ITK: variants seen among roughly 807,000 people sequenced by gnomAD.
ITK encodes IL2 inducible T cell kinase, also known as tyrosine-protein kinase ITK/TSK.
A neutral mutation model predicts 87.6 loss-of-function variants in ITK; 45 were observed. The observed-to-expected ratio is 0.51, with a 90% CI of 0.40 to 0.66. The LOEUF (loss-of-function observed/expected upper bound fraction) is 0.66, where lower values mean the gene tolerates loss of function less well. ITK is among the 30% of genes least tolerant of loss of function. The probability of loss-of-function intolerance (pLI) is 0.00; values close to 1 mark genes in which losing one functional copy is unlikely to be tolerated. For synonymous variants in ITK, 303 were observed against 273.6 expected (o/e 1.11, Z -1.06); for missense variants, 605 against 766.3 (o/e 0.79, Z 2.48).
chr5:157,233,958 TATATA>T (rs1445115347), intron 8 of ITK, among the ~76,000 whole-genome samples: 1 of 32,190 alleles, frequency 3.1e-5, no homozygotes. Context: ...TATATATATA[TATATA>T]TTTTTTTTTT....
At chr5:157,236,204 T>C (rs1434197708) in intron 8 of ITK, among the ~76,000 whole-genome samples, 1 of 152,066 alleles carries the variant, frequency 6.6e-6, no homozygotes, top group Non-Finnish European at 1.5e-5. Flanking sequence ...TGAAACCTCA[T>C]CTCTACTAAA....
intron 8 of ITK, among the ~76,000 whole-genome samples, chr5:157,234,407 C>G (rs1275468866): frequency 1.3e-5 from 2 of 152,282 alleles, no homozygotes; most frequent in Admixed American, 1.3e-4. Flanking sequence ...ATGACATTTT[C>G]TTGCTATTTT....
chr5:157,244,448 G>T lies in ITK; in HGVS notation c.1419G>T (p.Leu473=). 6.2e-7 allele frequency: 1 copy of T among 1,612,974 alleles called. No homozygotes were observed. Among genetic ancestry groups the T allele is most frequent in the Non-Finnish European group, 8.5e-7 (1 of 1,178,926 alleles). The part of the protein sequence containing the change: ...CLDVCEGMAY[L]EEACVIHRDL... ...ATGTGTGTGAGGGCATGGCCTACCT[G>T]GAAGAGGCATGTGTCATCCACAGAG... is the stretch of plus-strand genomic sequence containing the variant. The change falls in exon 13 of 17, where the codon CTG becomes CTT. Residue 473 remains leucine, a synonymous_variant. Transcript: ENST00000422843.
intron 1 of ITK, among the ~76,000 whole-genome samples, chr5:157,201,434 A>T (rs964093354): frequency 3.3e-5 from 5 of 151,034 alleles, no homozygotes; most frequent in African/African-American, 4.9e-5. Context: ...AGCAGCTGGG[A>T]TTACAGATGC....
Position 157,238,316 on chromosome 5 carries a change from C to T in ITK, c.851+125C>T. ...GGCTCACTAGAAATGGTCTGTTTTC[C>T]CTCTTTACTCCGAGAAAACCAAAGC... On this transcript the variant is annotated intron_variant, in intron 9 of 16. Coordinates refer to ENST00000422843, the MANE Select transcript of ITK (RefSeq NM_005546.4). The T allele has an allele frequency of 4.0e-6, 3 of 757,934 alleles. No homozygotes were observed. In the South Asian group the frequency reaches 4.4e-5, roughly 11 times the overall value. 47.0% of individuals were successfully genotyped at this position (757,934 alleles called of 1,614,324 possible).
In ITK at chr5:157,180,976, T is replaced by A. The variant is rs1181120757; in HGVS notation, c.-2T>A. ...GGTGCACCACCTTTCAAGAACTGGA[T>A]CATGAACAACTTTATCCTCCTGGAA... On this transcript the variant is annotated 5_prime_UTR_variant, in exon 1 of 17. Coordinates refer to ENST00000422843, the MANE Select transcript of ITK (RefSeq NM_005546.4). The A allele has an allele frequency of 6.2e-7, 1 of 1,613,846 alleles. No homozygotes were observed. Among genetic ancestry groups the A allele is most frequent in the Admixed American group, 1.7e-5 (1 of 60,014 alleles).
chr5:157,207,053 A>G (rs187011121), intron 1 of ITK, among the ~76,000 whole-genome samples: 82 of 152,306 alleles, frequency 5.4e-4, no homozygotes, highest in Admixed American at 4.6e-3. Flanking sequence ...ACTAATATGC[A>G]ATATATTTCA....
At chr5:157,219,629 C>A (rs1448370820) in intron 5 of ITK, among the ~76,000 whole-genome samples, 1 of 152,190 alleles carries the variant, frequency 6.6e-6, no homozygotes, top group African/African-American at 2.4e-5. Context: ...TCAGCCTACT[C>A]CCTCACAACA....
chr5:157,203,091 G>C (rs1233965352), intron 1 of ITK, among the ~76,000 whole-genome samples: 1 of 152,186 alleles, frequency 6.6e-6, no homozygotes, highest in African/African-American at 2.4e-5. Flanking sequence ...TCTCTTCTTA[G>C]ATGCCCTTTC....
chr5:157,193,081 G>T (rs1015983236), intron 1 of ITK, among the ~76,000 whole-genome samples: 2 of 152,090 alleles, frequency 1.3e-5, no homozygotes, highest in Admixed American at 6.6e-5. Context: ...AATTAGCTGG[G>T]CATGGTTGTG....
chr5:157,214,965 T>G (rs1161693059), intron 4 of ITK, among the ~76,000 whole-genome samples: 1 of 152,210 alleles, frequency 6.6e-6, no homozygotes, highest in African/African-American at 2.4e-5. Context: ...TTTTTTGCCT[T>G]TGACAGTAAA....
At chr5:157,228,439 T>C in intron 7 of ITK, 78 bp downstream of exon 7, 1 of 868,590 alleles carries the variant, frequency 1.2e-6, no homozygotes, top group South Asian at 1.4e-5. Context: ...ATTGGTTGAC[T>C]GTAAAAATAC....
chr5:157,185,381 G>A (rs1393978798), intron 1 of ITK, among the ~76,000 whole-genome samples: 1 of 151,976 alleles, frequency 6.6e-6, no homozygotes, highest in Non-Finnish European at 1.5e-5. Context: ...TGGAACTACG[G>A]GTGCGCGCCA....
chr5:157,186,176 T>C (rs536177068), intron 1 of ITK, among the ~76,000 whole-genome samples: 29 of 152,252 alleles, frequency 1.9e-4, no homozygotes, highest in South Asian at 8.3e-4. Flanking sequence ...AGGGATTCCA[T>C]TGGGTTATTA....
At chr5:157,229,203 T>C (rs1754597834) in intron 7 of ITK, among the ~76,000 whole-genome samples, 1 of 152,172 alleles carries the variant, frequency 6.6e-6, no homozygotes, top group Admixed American at 6.5e-5. Context: ...ACCCAGAGTA[T>C]CAACTGATTC....
intron 2 of ITK, 79 bp from the exon 3 acceptor site, chr5:157,211,208 T>C: frequency 8.3e-7 from 1 of 1,197,808 alleles, no homozygotes; most frequent in Admixed American, 1.7e-5. Context: ...GAGACCCCAC[T>C]CTCGGCTCAG....
intron 13 of ITK, chr5:157,244,922 C>T (rs957923742): frequency 8.6e-6 from 2 of 233,156 alleles, no homozygotes; most frequent in Non-Finnish European, 1.7e-5. Context: ...GATTTGTATG[C>T]ACATTAAAAT....
intron 8 of ITK, among the ~76,000 whole-genome samples, chr5:157,236,754 T>C (rs1754783539): frequency 6.6e-6 from 1 of 151,954 alleles, no homozygotes; most frequent in African/African-American, 2.4e-5. Flanking sequence ...AATAAAATGG[T>C]ATGTCCATTT....
intron 5 of ITK, 186 bp from the exon 6 acceptor site, chr5:157,222,677 A>G (rs933988730): frequency 1.6e-6 from 1 of 635,326 alleles, no homozygotes; most frequent in Non-Finnish European, 2.8e-6. Context: ...AATTTACCTC[A>G]TAGAATGAGC....
Sources: allele counts gnomAD v4.1 joint callset (sites outside exome capture counted in the v4.1 genomes callset), GRCh38; gene constraint gnomAD v4.1.1; transcripts MANE v1.5; gene names NCBI Gene and HGNC (gene_info 2026-07-23, HGNC 2026-07-21).